The following VASH2 variants were observed in gnomAD, a reference collection of about 807,000 sequenced individuals.
The protein encoded by VASH2 is vasohibin 2, also known as tubulinyl-Tyr carboxypeptidase 2.
In VASH2, 28 loss-of-function variants were observed where a neutral mutation model predicts 37.2. The ratio of observed to expected loss-of-function variants is 0.75; its 90% confidence interval spans 0.56 to 1.03. The LOEUF is 1.03. Among genes scored for constraint, VASH2 ranks in the 50% least tolerant of loss-of-function variants. The pLI is 0.00. For missense variants in VASH2, 419 were observed against 459.1 expected, an observed-to-expected ratio of 0.91 and a Z score of 0.80; for synonymous variants, 188 against 174.7, an observed-to-expected ratio of 1.08 and a Z score of -0.60.
chr1:212,969,560 C>T (rs1054181151), intron 5 of VASH2, among the ~76,000 whole-genome samples: 2 of 152,120 alleles, frequency 1.3e-5, no homozygotes, highest in Non-Finnish European at 2.9e-5. Flanking sequence ...GGCGCGATCT[C>T]GGCTAAGTTT....
chr1:212,965,007 G>C (rs1666796726), intron 3 of VASH2, among the ~76,000 whole-genome samples: 1 of 149,962 alleles, frequency 6.7e-6, no homozygotes, highest in Admixed American at 6.7e-5. Context: ...CATAAATTCT[G>C]CCTCTTAGAT....
chr1:212,958,563 T>C (rs978618616), intron 2 of VASH2, among the ~76,000 whole-genome samples: 1 of 152,208 alleles, frequency 6.6e-6, no homozygotes, highest in African/African-American at 2.4e-5. Context: ...CAGCAGACTC[T>C]TGAACCAAGT....
chr1:212,988,734 A>G lies in VASH2; in HGVS notation c.*150A>G. 2 of 841,904 alleles carry G rather than the reference A, an allele frequency of 2.4e-6. No homozygotes were observed. Among genetic ancestry groups the G allele is most frequent in the Non-Finnish European group, 3.7e-6 (2 of 534,802 alleles). The allele number at this position is 841,904 out of a possible 1,614,324, so 52.2% of individuals were successfully genotyped here. On this transcript the variant is annotated 3_prime_UTR_variant, in exon 8 of 8. Coordinates refer to ENST00000517399, the MANE Select transcript of VASH2 (RefSeq NM_001301056.2). ...GGAAATAGAATCTGAGTGGGTGGTA[A>G]CCATTAGCTTTAAAAAATTCACTAA...
intron 2 of VASH2, among the ~76,000 whole-genome samples, chr1:212,957,617 C>CTT (rs1056304168): frequency 0.045 from 6,212 of 137,362 alleles, 191 homozygotes; most frequent in Middle Eastern, 0.069. Flanking sequence ...ACAGCTTACA[C>CTT]TTTTTTTTTT....
chr1:212,984,549 G>A (rs3010778), intron 7 of VASH2, among the ~76,000 whole-genome samples: 149,879 of 152,318 alleles, frequency 0.98, 73,786 homozygotes, highest in East Asian at 1. Flanking sequence ...TGAAAATACT[G>A]TGAAGCTAGT....
intron 6 of VASH2, 58 bp downstream of exon 6, chr1:212,973,019 C>T (rs1667059557): frequency 6.4e-7 from 1 of 1,565,224 alleles, no homozygotes; most frequent in Admixed American, 2.0e-5. Context: ...ATTCCTTTCT[C>T]TCTGTCTCTT....
Position 212,972,982 on chromosome 1 carries a change from G to A in VASH2, c.879+21G>A, listed in dbSNP as rs753575594. ...TGAAGGTGGGTGCTGGGAAGACAAG[G>A]AAGCCATGCAGGAGAGCTCTTTTCC... is the stretch of plus-strand genomic sequence containing the variant. On this transcript the variant is annotated intron_variant, in intron 6 of 7. Coordinates refer to ENST00000517399, the MANE Select transcript of VASH2 (RefSeq NM_001301056.2). 16 of 1,602,884 alleles carry A rather than the reference G, an allele frequency of 1.0e-5. No individual in the cohort carries two copies. In the East Asian group the frequency reaches 3.3e-4, roughly 33 times the overall value.
intron 3 of VASH2, among the ~76,000 whole-genome samples, chr1:212,962,188 G>T (rs1014825132): frequency 1.3e-5 from 2 of 152,190 alleles, no homozygotes; most frequent in African/African-American, 4.8e-5. Context: ...GCATCCGCAG[G>T]TTGTTTGCAG....
At chr1:212,967,528 C>T in intron 5 of VASH2, 1 of 996,534 alleles carries the variant, frequency 1.0e-6, no homozygotes, top group Non-Finnish European at 1.2e-6. Flanking sequence ...TGAGAAATGA[C>T]TTTTTTCCAA....
At chr1:212,967,261 A>G (rs1666880379) in intron 5 of VASH2, 2 of 1,290,458 alleles carry the variant, frequency 1.5e-6, no homozygotes, top group Middle Eastern at 3.0e-4. Flanking sequence ...CCTCCCTTAC[A>G]CAATAGTCTC....
chr1:212,987,749 A>T (rs547241937), intron 7 of VASH2, among the ~76,000 whole-genome samples: 40 of 152,372 alleles, frequency 2.6e-4, no homozygotes, highest in Middle Eastern at 3.4e-3. Flanking sequence ...GAGGCTCATT[A>T]AGAAATGGAA....
intron 5 of VASH2, among the ~76,000 whole-genome samples, 164 bp from the exon 6 acceptor site, chr1:212,972,416 C>A (rs1667037184): frequency 6.6e-6 from 1 of 152,186 alleles, no homozygotes; most frequent in Non-Finnish European, 1.5e-5. Context: ...TCAAACATAA[C>A]AAGCGAATCC....
intron 6 of VASH2, chr1:212,973,291 A>G (rs1667066826): frequency 3.9e-6 from 4 of 1,020,056 alleles, no homozygotes; most frequent in Admixed American, 2.7e-5. Context: ...TTCCCAGGAC[A>G]TGAGATTTTC....
intron 2 of VASH2, among the ~76,000 whole-genome samples, chr1:212,953,041 G>A (rs1666370732): frequency 6.6e-6 from 1 of 152,112 alleles, no homozygotes. Context: ...TTTGTTCCTG[G>A]TTTGCAGTTC....
At chr1:212,973,300 T>A (rs1667067239) in intron 6 of VASH2, 1 of 1,070,426 alleles carries the variant, frequency 9.3e-7, no homozygotes, top group Admixed American at 2.6e-5. Context: ...CATGAGATTT[T>A]CAGTATTAAA....
Position 212,990,952 on chromosome 1 carries a change from C to G in VASH2, c.*2368C>G, listed in dbSNP as rs1163711212. The stretch of plus-strand genomic sequence containing the variant: ...ACAAAAAACATGTTATATGCACCCC[C>G]CTCCCAAAGCTGATTTTAAGACTGG... On this transcript the variant is annotated 3_prime_UTR_variant, in exon 8 of 8. Transcript: ENST00000517399. 2 of 152,066 alleles carry G rather than the reference C, an allele frequency of 1.3e-5. No individual in the cohort carries two copies. Among genetic ancestry groups the G allele is most frequent in the Admixed American group, 1.3e-4 (2 of 15,272 alleles). 9.4% of individuals were successfully genotyped at this position (152,066 alleles called of 1,614,324 possible).
chr1:212,956,841 G>T (rs1468764931), intron 2 of VASH2, among the ~76,000 whole-genome samples: 4 of 152,216 alleles, frequency 2.6e-5, no homozygotes, highest in Admixed American at 1.3e-4. Flanking sequence ...TCTTTTCGTG[G>T]CTCTTAAAAT....
Position 212,965,755 on chromosome 1 carries a change from T to G in VASH2, c.399T>G (p.Ile133Met). Reference protein sequence around the residue: ...YNHTGTQFFEIRKMRPLSGLM... With the variant: ...YNHTGTQFFEMRKMRPLSGLM... ...ACACAGGGACCCAGTTCTTTGAAATTAGGAAAATGAGACCGCTGAGTGGGT... is the reference window on the plus strand; with the variant it reads ...ACACAGGGACCCAGTTCTTTGAAATGAGGAAAATGAGACCGCTGAGTGGGT... Residue 133 changes from isoleucine (I) to methionine (M), a missense_variant, in exon 4 of 8, where the codon ATT becomes ATG. This residue lies in a region of VASH2 where 84 missense variants were observed against 129.9 expected (regional missense o/e 0.65). Coordinates refer to ENST00000517399, the MANE Select transcript of VASH2 (RefSeq NM_001301056.2). 6.4e-7 allele frequency: 1 copy of G among 1,552,278 alleles called. No individual in the cohort carries two copies. The highest frequency in any genetic ancestry group is 8.7e-7 in the Non-Finnish European group (1 of 1,147,056).
intron 7 of VASH2, among the ~76,000 whole-genome samples, chr1:212,976,840 G>A (rs573241718): frequency 2.4e-4 from 37 of 152,308 alleles, no homozygotes; most frequent in East Asian, 7.7e-4. Flanking sequence ...GGGAGTGGTC[G>A]CCTGAGGTCA....
Sources: gnomAD v4.1 joint callset for allele counts (sites outside exome capture counted in the v4.1 genomes callset) on GRCh38, gnomAD v4.1.1 for gene constraint, gnomAD v4.1.1 regional missense constraint, MANE v1.5 for transcripts, NCBI Gene and HGNC (gene_info 2026-07-23, HGNC 2026-07-21) for gene names.